RPGR: variants seen among roughly 807,000 people sequenced by gnomAD.
RPGR encodes retinitis pigmentosa GTPase regulator, also known as X-linked retinitis pigmentosa GTPase regulator.
Under a neutral mutation model 56.3 loss-of-function variants are expected in RPGR, and 10 were observed. That is an observed-to-expected ratio of 0.18 (90% CI 0.11 to 0.30). The LOEUF is 0.30. Among genes scored for constraint, RPGR ranks in the 10% least tolerant of loss-of-function variants. The pLI is 1.00. For missense variants in RPGR, 538 were observed against 590.9 expected (o/e 0.91, Z 0.93); for synonymous variants, 197 against 212.9 (o/e 0.93, Z 0.65).
intron 6 of RPGR, among the ~76,000 whole-genome samples, chrX:38,313,114 T>C (rs2067753223): frequency 8.9e-6 from 1 of 111,989 alleles, no homozygotes; most frequent in East Asian, 2.8e-4. Flanking sequence ...CATGTTTTTG[T>C]CTCTGCCTGG....
chrX:38,274,664 A>C (rs1235151475), intron 17 of RPGR, among the ~76,000 whole-genome samples: 1 of 110,623 alleles, frequency 9.0e-6, no homozygotes, highest in Non-Finnish European at 1.9e-5. Context: ...AAAATATAAA[A>C]ATTAGCCAGG....
chrX:38,310,296 C>T (rs143282737), intron 7 of RPGR, among the ~76,000 whole-genome samples: 2,410 of 110,763 alleles, frequency 0.022, 22 homozygotes, highest in Non-Finnish European at 0.031. Flanking sequence ...CCACCTGACA[C>T]GAGGTATCTA....
intron 1 of RPGR, among the ~76,000 whole-genome samples, chrX:38,325,008 A>T (rs2068020445): frequency 9.4e-6 from 1 of 106,251 alleles, no homozygotes; most frequent in Admixed American, 1.0e-4. Flanking sequence ...CGTGTCGACT[A>T]AAAATGCAAA....
intron 1 of RPGR, 83 bp downstream of exon 1, chrX:38,327,257 T>C: frequency 9.7e-7 from 1 of 1,029,840 alleles, no homozygotes; most frequent in African/African-American, 1.9e-5. Context: ...CCTGTCCCCC[T>C]ACAGGGCCGA....
At chrX:38,290,015 C>G (rs143450681) in intron 13 of RPGR, among the ~76,000 whole-genome samples, 2,216 of 111,981 alleles carry the variant, frequency 0.02, 38 homozygotes, top group Middle Eastern at 0.055. Flanking sequence ...GCTTCTACAA[C>G]TGTGTTCGAA....
intron 18 of RPGR, chrX:38,273,234 T>C: frequency 2.2e-6 from 1 of 452,315 alleles, no homozygotes; most frequent in Non-Finnish European, 3.9e-6. Flanking sequence ...AAAGGTAGTA[T>C]ATTAAAAATA....
At chrX:38,324,263 T>C (rs896868135) in intron 1 of RPGR, among the ~76,000 whole-genome samples, 1 of 111,192 alleles carries the variant, frequency 9.0e-6, no homozygotes, top group Non-Finnish European at 1.9e-5. Context: ...TTTGTAATTT[T>C]TGCACAGACT....
At chrX:38,271,154 T>C (rs905171780) in intron 18 of RPGR, among the ~76,000 whole-genome samples, 2 of 111,659 alleles carry the variant, frequency 1.8e-5, no homozygotes, top group Non-Finnish European at 1.9e-5. Context: ...GAAATAAAAA[T>C]GGTGCTAATA....
intron 9 of RPGR, among the ~76,000 whole-genome samples, chrX:38,300,968 G>A (rs947161048): frequency 8.9e-6 from 1 of 111,797 alleles, no homozygotes; most frequent in Non-Finnish European, 1.9e-5. Flanking sequence ...CAAAGCCTGC[G>A]GGCATGGCAC....
At chrX:38,300,185 G>C (rs1053193382) in intron 9 of RPGR, among the ~76,000 whole-genome samples, 32 of 111,658 alleles carry the variant, frequency 2.9e-4, no homozygotes, top group African/African-American at 9.8e-4. Flanking sequence ...CCTGACCTCA[G>C]TTGATCTGCA....
chrX:38,320,965 T>C (rs2067927724), intron 4 of RPGR, 62 bp downstream of exon 4: 5 of 870,975 alleles, frequency 5.7e-6, no homozygotes, highest in African/African-American at 2.0e-5. Context: ...AAAGCCACGT[T>C]ACTGGAATGA....
chrX:38,298,476 T>C, intron 10 of RPGR: 1 of 293,998 alleles, frequency 3.4e-6, no homozygotes, highest in Non-Finnish European at 6.3e-6. Context: ...TAGCATTATA[T>C]AAGATAATTA....
chrX:38,290,487 C>T (rs769764800), intron 13 of RPGR, among the ~76,000 whole-genome samples: 13 of 111,479 alleles, frequency 1.2e-4, no homozygotes, highest in Middle Eastern at 9.3e-3. Context: ...AAATTAAAGC[C>T]CAACCAAATA....
rs1287130677 is a variant in RPGR at position 38,269,793 on chromosome X, T to C, written c.2281A>G (p.Ile761Val). The C allele has an allele frequency of 7.4e-6, 9 of 1,209,274 alleles. No individual in the cohort carries two copies. Among genetic ancestry groups the C allele is most frequent in the Non-Finnish European group, 1.0e-5 (9 of 893,897 alleles). ...AGCGGCTCATTGTTATTCTTGACAATCTTTTGATTTATTGAGGGGACTCTT... is the reference window on the plus strand; with the variant it reads ...AGCGGCTCATTGTTATTCTTGACAACCTTTTGATTTATTGAGGGGACTCTT... The change falls in exon 19 of 19, where the codon ATT (isoleucine) becomes GTT (valine). Residue 761 changes from isoleucine (I) to valine (V), a missense_variant. Ile to Val is a conservative substitution (Grantham distance 29). Around this residue, in one of 2 missense-constraint regions of RPGR, gnomAD observed 357 missense variants for 325.8 expected, o/e 1.10. Coordinates refer to ENST00000642395, the MANE Select transcript of RPGR (RefSeq NM_000328.3).
At position 38,298,964 on chromosome X, in the gene RPGR, T is replaced by C. The variant is rs771039023; in HGVS notation, c.1237A>G (p.Arg413Gly). The change falls in exon 10 of 19, where the codon AGA becomes GGA. Residue 413 changes from arginine (R) to glycine (G), a missense_variant. This residue lies in a region of RPGR where 357 missense variants were observed against 325.8 expected (regional missense o/e 1.10). Transcript: ENST00000642395. ...ATAGGCCACAATTGTACCCTCTCTC[T>C]TCGCCGCATACGTGCTGATAGAGTC... 1.7e-6 allele frequency: 2 copies of C among 1,211,785 alleles called. No homozygotes were observed. Among genetic ancestry groups the C allele is most frequent in the Non-Finnish European group, 2.2e-6 (2 of 895,354 alleles).
In RPGR at chrX:38,298,981, G is replaced by A. The variant is rs772201779; in HGVS notation, c.1220C>T (p.Ser407Leu). ...CCTCTCTCTTCGCCGCATACGTGCT[G>A]ATAGAGTCCTCTGCAGTACATTTCC... The change falls in exon 10 of 19, where the codon TCA becomes TTA. Residue 407 changes from serine to leucine, a missense_variant. Transcript: ENST00000642395. 3 of 1,211,708 alleles carry A rather than the reference G, an allele frequency of 2.5e-6. No homozygotes were observed. The Admixed American group carries it at 6.5e-5, about 26-fold the overall frequency.
intron 8 of RPGR, 37 bp from the exon 9 acceptor site, chrX:38,301,408 G>A (rs766512749): frequency 8.9e-7 from 1 of 1,118,786 alleles, no homozygotes; most frequent in Non-Finnish European, 1.2e-6. Flanking sequence ...TTATAAAAGT[G>A]TTACTTGTAT....
chrX:38,327,487 G>T lies in RPGR; in HGVS notation c.-120C>A. On this transcript the variant is annotated 5_prime_UTR_variant, in exon 1 of 19. Coordinates refer to ENST00000642395, the MANE Select transcript of RPGR (RefSeq NM_000328.3). ...CGCGAAAGCCCCCAAGTTCCGCATGGCGAAACTCCGGAGATCAACTACAAC... is the reference window on the plus strand; with the variant it reads ...CGCGAAAGCCCCCAAGTTCCGCATGTCGAAACTCCGGAGATCAACTACAAC... The T allele has an allele frequency of 2.9e-6, 2 of 694,547 alleles. No individual in the cohort carries two copies. The highest frequency in any genetic ancestry group is 2.0e-6 in the Non-Finnish European group (1 of 489,900). 57.2% of individuals were successfully genotyped at this position (694,547 alleles called of 1,213,427 possible).
chrX:38,301,182 T>C (rs1448661011), intron 9 of RPGR, 65 bp downstream of exon 9: 62 of 949,763 alleles, frequency 6.5e-5, no homozygotes, highest in Non-Finnish European at 6.7e-5. Flanking sequence ...TTATTTTCTA[T>C]GAAATACTGA....
Sources: allele counts gnomAD v4.1 joint callset (sites outside exome capture counted in the v4.1 genomes callset), GRCh38; gene constraint gnomAD v4.1.1; regional missense constraint gnomAD v4.1.1; transcripts MANE v1.5; gene names NCBI Gene and HGNC (gene_info 2026-07-23, HGNC 2026-07-21).